Variants in PDE11A observed in about 807,000 individuals in gnomAD.
The protein encoded by PDE11A is phosphodiesterase 11A, also known as dual 3',5'-cyclic-AMP and -GMP phosphodiesterase 11A.
In PDE11A, 100 loss-of-function variants were observed where a neutral mutation model predicts 100.5. The observed-to-expected ratio is 1.00, with a 90% CI of 0.85 to 1.18. The LOEUF is 1.18. PDE11A is among the 50% of genes most tolerant of loss of function. The pLI, the probability that PDE11A is intolerant of heterozygous loss-of-function variation, is 0.00. For missense variants in PDE11A, 1,141 were observed against 1,152.6 expected (o/e 0.99, Z 0.15); for synonymous variants, 381 against 420.8 (o/e 0.91, Z 1.16).
chr2:177,996,007 G>C (rs1464246210), intron 2 of PDE11A, among the ~76,000 whole-genome samples: 1 of 152,078 alleles, frequency 6.6e-6, no homozygotes, highest in African/African-American at 2.4e-5. Flanking sequence ...CAGGTGGATT[G>C]CCTGAGGTTA....
intron 9 of PDE11A, among the ~76,000 whole-genome samples, chr2:177,778,332 T>C (rs1224604261): frequency 1.3e-5 from 2 of 152,164 alleles, no homozygotes; most frequent in African/African-American, 4.8e-5. Flanking sequence ...TAATTTGTTG[T>C]GGATTTGGGC....
intron 2 of PDE11A, among the ~76,000 whole-genome samples, chr2:178,090,752 T>C (rs530235837): frequency 6.6e-6 from 1 of 152,352 alleles, no homozygotes; most frequent in African/African-American, 2.4e-5. Flanking sequence ...GCTCTGAAAC[T>C]GGCAACATCC....
At chr2:177,906,704 C>T (rs1385988124) in intron 2 of PDE11A, among the ~76,000 whole-genome samples, 1 of 152,140 alleles carries the variant, frequency 6.6e-6, no homozygotes, top group Non-Finnish European at 1.5e-5. Flanking sequence ...CCTACTCTCC[C>T]CTTTCTTGCT....
At chr2:177,878,915 A>G (rs958172552) in intron 4 of PDE11A, among the ~76,000 whole-genome samples, 23 of 152,340 alleles carry the variant, frequency 1.5e-4, no homozygotes, top group African/African-American at 4.6e-4. Context: ...GTAAACACAG[A>G]CTAAAAAGTA....
chr2:177,741,433 G>A (rs529680101), intron 10 of PDE11A, among the ~76,000 whole-genome samples: 64 of 152,224 alleles, frequency 4.2e-4, no homozygotes, highest in Non-Finnish European at 7.8e-4. Flanking sequence ...AGGGATTAGG[G>A]CCTCAACATA....
At chr2:178,030,214 TA>T (rs998978038) in intron 1 of PDE11A, among the ~76,000 whole-genome samples, 8 of 152,138 alleles carry the variant, frequency 5.3e-5, no homozygotes, top group Admixed American at 4.6e-4. Flanking sequence ...AAAATGGGGC[TA>T]AAACTACAGT....
chr2:177,642,063 C>A (rs976579513), intron 19 of PDE11A, among the ~76,000 whole-genome samples: 1 of 152,186 alleles, frequency 6.6e-6, no homozygotes, highest in Admixed American at 6.5e-5. Flanking sequence ...TAACCACCTA[C>A]CATATGTGTA....
At position 177,941,730 on chromosome 2, in the gene PDE11A, A is replaced by G. The variant is rs2085348591; in HGVS notation, c.1072-36543T>C. Among the ~76,000 whole-genome samples, 6 of 152,168 alleles carry G rather than the reference A, an allele frequency of 3.9e-5. No homozygotes were observed. The South Asian group carries it at 1.2e-3, about 32-fold the overall frequency. On this transcript the variant is annotated intron_variant, in intron 2 of 19. Transcript: ENST00000286063. Reference sequence around the variant, plus strand: ...CGGATTGGAGATAGGGAAAAGTAACATGTTCTACTTTAAGGAAGGAAATTG... The same window carrying G: ...CGGATTGGAGATAGGGAAAAGTAACGTGTTCTACTTTAAGGAAGGAAATTG...
At chr2:177,721,501 G>T (rs1372486398) in intron 12 of PDE11A, among the ~76,000 whole-genome samples, 1 of 152,046 alleles carries the variant, frequency 6.6e-6, no homozygotes, top group Non-Finnish European at 1.5e-5. Context: ...TACATCAAAA[G>T]ATAATAAATA....
intron 1 of PDE11A, among the ~76,000 whole-genome samples, chr2:178,024,109 G>C (rs1011655841): frequency 3.9e-5 from 6 of 152,114 alleles, no homozygotes; most frequent in South Asian, 2.1e-4. Flanking sequence ...CACTGAATTA[G>C]AGGGTCACTT....
chr2:177,770,288 A>AG (rs1379635264), intron 9 of PDE11A, among the ~76,000 whole-genome samples: 1 of 152,208 alleles, frequency 6.6e-6, no homozygotes, highest in Non-Finnish European at 1.5e-5. Context: ...ATGGCCTGAG[A>AG]GGGGCCGATC....
chr2:177,910,270 G>T (rs1161643565), intron 2 of PDE11A, among the ~76,000 whole-genome samples: 1 of 152,172 alleles, frequency 6.6e-6, no homozygotes, highest in East Asian at 1.9e-4. Context: ...AGTTTCTAAA[G>T]AAATGTGCAG....
At chr2:178,065,749 C>T (rs2087034773) in intron 1 of PDE11A, among the ~76,000 whole-genome samples, 1 of 152,092 alleles carries the variant, frequency 6.6e-6, no homozygotes, top group South Asian at 2.1e-4. Context: ...TTAGACAAAT[C>T]TCAGCAACTC....
At position 177,867,500 on chromosome 2, in the gene PDE11A, T is replaced by C. The variant is rs184569179; in HGVS notation, c.1367+8359A>G. Among the ~76,000 whole-genome samples the C allele has an allele frequency of 7.3e-3, 1,105 of 152,092 alleles. 13 individuals carry two copies. The highest frequency in any genetic ancestry group is 0.025 in the African/African-American group (1,029 of 41,502). ...ATTCCAGCACTTTGGGAGGCCAAGGTGGGCGCATCACGAGGTCAAGAGATT... is the reference window on the plus strand; with the variant it reads ...ATTCCAGCACTTTGGGAGGCCAAGGCGGGCGCATCACGAGGTCAAGAGATT... On this transcript the variant is annotated intron_variant, in intron 5 of 19. Coordinates refer to ENST00000286063, the MANE Select transcript of PDE11A (RefSeq NM_016953.4).
At chr2:177,764,642 T>C (rs1299016842) in intron 10 of PDE11A, among the ~76,000 whole-genome samples, 4 of 152,214 alleles carry the variant, frequency 2.6e-5, no homozygotes, top group Admixed American at 1.3e-4. Flanking sequence ...GTCAATGTGG[T>C]CTTTATACAT....
At chr2:177,969,182 A>G (rs1355790272) in intron 2 of PDE11A, among the ~76,000 whole-genome samples, 2 of 152,096 alleles carry the variant, frequency 1.3e-5, no homozygotes, top group African/African-American at 4.8e-5. Context: ...AAAGCCAAAC[A>G]CCACATGTTC....
intron 1 of PDE11A, among the ~76,000 whole-genome samples, chr2:178,019,459 AT>A (rs2086379860): frequency 6.6e-6 from 1 of 152,164 alleles, no homozygotes; most frequent in South Asian, 2.1e-4. Context: ...TAATATAAAA[AT>A]ATATTCTATG....
intron 12 of PDE11A, among the ~76,000 whole-genome samples, chr2:177,720,631 A>C (rs2081512754): frequency 6.6e-6 from 1 of 152,180 alleles, no homozygotes; most frequent in African/African-American, 2.4e-5. Flanking sequence ...ACAAACTCAC[A>C]TGTCTCCTTT....
At chr2:177,790,438 A>G (rs1011974472) in intron 9 of PDE11A, among the ~76,000 whole-genome samples, 1,668 of 151,790 alleles carry the variant, frequency 0.011, 35 homozygotes, top group African/African-American at 0.038. Context: ...TAAAAACCCT[A>G]GAAGAAAACC....
Sources: gnomAD v4.1 joint callset for allele counts (sites outside exome capture counted in the v4.1 genomes callset) on GRCh38, gnomAD v4.1.1 for gene constraint, MANE v1.5 for transcripts, NCBI Gene and HGNC (gene_info 2026-07-23, HGNC 2026-07-21) for gene names.